Variants in CCDC144A observed in about 807,000 individuals in gnomAD.
The protein encoded by CCDC144A is coiled-coil domain containing 144A, also known as coiled-coil domain-containing protein 144A.
Under a neutral mutation model 143.8 loss-of-function variants are expected in CCDC144A, and 41 were observed. The ratio of observed to expected loss-of-function variants is 0.29; its 90% confidence interval spans 0.22 to 0.37. CCDC144A has a LOEUF of 0.37. Among genes scored for constraint, CCDC144A ranks in the 10% least tolerant of loss-of-function variants. The pLI, the probability that CCDC144A is intolerant of heterozygous loss-of-function variation, is 1.00. For synonymous variants in CCDC144A, 242 were observed against 517.9 expected, an observed-to-expected ratio of 0.47 and a Z score of 7.23; for missense variants, 637 against 1,488.8, an observed-to-expected ratio of 0.43 and a Z score of 9.41.
intron 12 of CCDC144A, among the ~76,000 whole-genome samples, chr17:16,760,183 C>T (rs1203370210): frequency 6.6e-6 from 1 of 151,854 alleles, no homozygotes; most frequent in Non-Finnish European, 1.5e-5. Flanking sequence ...AGTCACACAG[C>T]AGTTCTGCCA....
chr17:16,681,723 G>T, the CCDC144A span, among the ~76,000 whole-genome samples: 2 of 151,950 alleles, frequency 1.3e-5, no homozygotes, highest in Non-Finnish European at 2.9e-5. Flanking sequence ...AGCCGGGTGT[G>T]GTGGCGCACG....
the CCDC144A span, chr17:16,684,185 T>G: frequency 2.9e-6 from 3 of 1,033,780 alleles, no homozygotes; most frequent in Non-Finnish European, 4.6e-6. Flanking sequence ...CAAAGAGGAC[T>G]TCGTGGCACT....
intron 12 of CCDC144A, among the ~76,000 whole-genome samples, chr17:16,751,227 T>A (rs576705081): frequency 6.6e-6 from 1 of 152,310 alleles, no homozygotes; most frequent in African/African-American, 2.4e-5. Context: ...TTTTTTTCTC[T>A]TGAGGGTTTG....
chr17:16,724,257 G>A (rs1913312884), intron 8 of CCDC144A, among the ~76,000 whole-genome samples: 1 of 152,022 alleles, frequency 6.6e-6, no homozygotes, highest in African/African-American at 2.4e-5. Context: ...TTGATTGCAG[G>A]CCGGGTGCAG....
rs370181880 is a variant in CCDC144A at position 16,746,271 on chromosome 17, C to CTCTCTTTT, written c.3372+10629_3372+10630insCTCTTTTT. On this transcript the variant is annotated intron_variant, in intron 12 of 16. Coordinates refer to ENST00000399273, the MANE Select transcript of CCDC144A (RefSeq NM_001382000.1). ...CTTCTGTTTATCTGTCTCTCTCTCT[C>CTCTCTTTT]TTTTTTTTTTTTTTTGCATCTTTCT... 27 of 779,972 alleles carry CTCTCTTTT rather than the reference C, an allele frequency of 3.5e-5. No homozygotes were observed. The African/African-American group carries it at 4.7e-4, about 14-fold the overall frequency. 48.3% of individuals were successfully genotyped at this position (779,972 alleles called of 1,614,324 possible). A position where few individuals can be genotyped will look rare whatever the true frequency, so the allele number is the denominator to read the frequency against.
chr17:16,758,934 G>C (rs1193051761), intron 12 of CCDC144A, among the ~76,000 whole-genome samples: 1 of 152,188 alleles, frequency 6.6e-6, no homozygotes, highest in Non-Finnish European at 1.5e-5. Flanking sequence ...TGTGCTTCCT[G>C]TGAAGGAAGC....
chr17:16,688,758 G>C (rs1161103892), upstream of CCDC144A, among the ~76,000 whole-genome samples: 1 of 152,086 alleles, frequency 6.6e-6, no homozygotes, highest in African/African-American at 2.4e-5. Flanking sequence ...AAAGTGTTGG[G>C]ATTACAGGTG....
intron 15 of CCDC144A, among the ~76,000 whole-genome samples, chr17:16,771,536 A>T (rs182580072): frequency 6.6e-6 from 1 of 152,386 alleles, no homozygotes; most frequent in Admixed American, 6.5e-5. Flanking sequence ...CATACTTTGA[A>T]ATTATTATTT....
intron 8 of CCDC144A, among the ~76,000 whole-genome samples, chr17:16,724,714 T>G (rs1220925394): frequency 6.6e-6 from 1 of 151,404 alleles, no homozygotes; most frequent in Non-Finnish European, 1.5e-5. Context: ...CGTCTATTGA[T>G]TTTTGCCTCA....
intron 3 of CCDC144A, chr17:16,705,730 G>A (rs1912012593): frequency 3.6e-6 from 1 of 276,638 alleles, no homozygotes; most frequent in Non-Finnish European, 6.9e-6. Context: ...CAAACACAAT[G>A]TGGTTTCTTT....
chr17:16,695,002 A>C (rs1048879743), intron 2 of CCDC144A, among the ~76,000 whole-genome samples: 1 of 152,236 alleles, frequency 6.6e-6, no homozygotes, highest in Non-Finnish European at 1.5e-5. Context: ...TGTGATGCCT[A>C]ATGCATTGGA....
chr17:16,770,212 C>T (rs527639506), intron 15 of CCDC144A, among the ~76,000 whole-genome samples: 2 of 151,546 alleles, frequency 1.3e-5, no homozygotes, highest in East Asian at 2.0e-4. Context: ...TGCAGTGGCA[C>T]GATCTCAGCT....
chr17:16,680,407 T>C, the CCDC144A span, among the ~76,000 whole-genome samples: 1 of 152,008 alleles, frequency 6.6e-6, no homozygotes, highest in Non-Finnish European at 1.5e-5. Flanking sequence ...GGTAAAGATT[T>C]AATTTTTCAC....
chr17:16,680,212 T>G, the CCDC144A span, among the ~76,000 whole-genome samples: 1 of 151,926 alleles, frequency 6.6e-6, no homozygotes, highest in Non-Finnish European at 1.5e-5. Flanking sequence ...GAGGATCACT[T>G]AAGTCCAGGC....
chr17:16,681,365 A>C, the CCDC144A span, among the ~76,000 whole-genome samples: 1 of 152,252 alleles, frequency 6.6e-6, no homozygotes, highest in East Asian at 1.9e-4. Context: ...GATTTTTGAA[A>C]GTCTAAATGT....
At chr17:16,719,002 T>G (rs1473873876) in intron 6 of CCDC144A, among the ~76,000 whole-genome samples, 1 of 146,134 alleles carries the variant, frequency 6.8e-6, no homozygotes, top group Non-Finnish European at 1.5e-5. Flanking sequence ...CAGCTAATTT[T>G]TGTATTTTTA....
At chr17:16,683,779 G>C in the CCDC144A span, 18 of 1,475,488 alleles carry the variant, frequency 1.2e-5, no homozygotes, top group Non-Finnish European at 4.7e-6. Flanking sequence ...CCATATGCAA[G>C]CACATGAAGC....
intron 12 of CCDC144A, among the ~76,000 whole-genome samples, chr17:16,750,444 A>T (rs899726359): frequency 1.3e-4 from 19 of 145,882 alleles, no homozygotes; most frequent in South Asian, 2.3e-4. Context: ...TGCCAGAAAG[A>T]GGTCAGCTTT....
At chr17:16,691,606 C>CAA (rs201650488) in intron 1 of CCDC144A, among the ~76,000 whole-genome samples, 17 of 148,338 alleles carry the variant, frequency 1.1e-4, no homozygotes, top group East Asian at 3.9e-4. Context: ...CTAAAAAATA[C>CAA]AAAAAAAAAA....
Sources: allele counts gnomAD v4.1 joint callset (sites outside exome capture counted in the v4.1 genomes callset), GRCh38; gene constraint gnomAD v4.1.1; transcripts MANE v1.5; gene names NCBI Gene and HGNC (gene_info 2026-07-23, HGNC 2026-07-21).